KCNMA1: variants seen among roughly 807,000 people sequenced by gnomAD.
KCNMA1 encodes potassium calcium-activated channel subfamily M alpha 1.
KCNMA1 carries 29 observed loss-of-function variants against 140.0 expected under a neutral mutation model. That is an observed-to-expected ratio of 0.21 (90% CI 0.15 to 0.28). The LOEUF (loss-of-function observed/expected upper bound fraction) is 0.28, where lower values mean the gene tolerates loss of function less well. Ranked by LOEUF, KCNMA1 falls within the 10% of genes least tolerant of loss-of-function variation. The pLI, the probability that KCNMA1 is intolerant of heterozygous loss-of-function variation, is 1.00. For synonymous variants in KCNMA1, 612 were observed against 611.9 expected (o/e 1.00, Z 0.00); for missense variants, 880 against 1,602.2 (o/e 0.55, Z 7.70).
chr10:77,269,727 G>A (rs914104284), intron 2 of KCNMA1, among the ~76,000 whole-genome samples: 8 of 152,218 alleles, frequency 5.3e-5, no homozygotes, highest in Non-Finnish European at 1.5e-5. Flanking sequence ...GATCTGGGCT[G>A]CCTGGGACTC....
At chr10:76,922,716 G>A (rs2056324587) in intron 23 of KCNMA1, among the ~76,000 whole-genome samples, 1 of 152,182 alleles carries the variant, frequency 6.6e-6, no homozygotes, top group African/African-American at 2.4e-5. Context: ...CTCTGTCATT[G>A]TTCAAGTTCC....
At chr10:77,584,218 C>T (rs748271043) in intron 1 of KCNMA1, among the ~76,000 whole-genome samples, 5 of 152,154 alleles carry the variant, frequency 3.3e-5, no homozygotes, top group Admixed American at 1.3e-4. Context: ...CCACCTTAGA[C>T]GGGGCCTTGG....
intron 19 of KCNMA1, among the ~76,000 whole-genome samples, chr10:76,993,788 G>A (rs2083440337): frequency 6.6e-6 from 1 of 152,210 alleles, no homozygotes; most frequent in Non-Finnish European, 1.5e-5. Context: ...TACAGACTAA[G>A]AACAAAACCC....
In KCNMA1 at chr10:77,597,898, T is replaced by C. The variant is rs564989193; in HGVS notation, c.378+39367A>G. 3.3e-5 allele frequency among the ~76,000 whole-genome samples: 5 copies of C among 152,344 alleles called. No individual in the cohort carries two copies. The South Asian group carries it at 8.3e-4, about 25-fold the overall frequency. ...AAAATTACAAAACAGGGAGGAACTT[T>C]ATCCTGTTTTATTTTTCTCCATAGC... On this transcript the variant is annotated intron_variant, in intron 1 of 27. Coordinates refer to ENST00000286628, the MANE Select transcript of KCNMA1 (RefSeq NM_001161352.2).
At chr10:77,212,885 T>C (rs2046525432) in intron 3 of KCNMA1, among the ~76,000 whole-genome samples, 1 of 152,234 alleles carries the variant, frequency 6.6e-6, no homozygotes, top group South Asian at 2.1e-4. Flanking sequence ...TTCCCTGCCA[T>C]TATCCTTAAA....
intron 2 of KCNMA1, among the ~76,000 whole-genome samples, chr10:77,353,999 T>TGGGGGGGGGG (rs2093217796): frequency 6.9e-5 from 1 of 14,558 alleles, no homozygotes; most frequent in Non-Finnish European, 1.7e-4. Flanking sequence ...GGTGGAGGGG[T>TGGGGGGGGGG]GGGGATGGAG....
intron 1 of KCNMA1, among the ~76,000 whole-genome samples, chr10:77,519,683 T>A (rs763584118): frequency 6.6e-6 from 1 of 152,130 alleles, no homozygotes; most frequent in Non-Finnish European, 1.5e-5. Flanking sequence ...ATAAATAACA[T>A]GAGTGATTAT....
chr10:77,228,556 A>G (rs2052392978), intron 3 of KCNMA1, among the ~76,000 whole-genome samples: 1 of 152,194 alleles, frequency 6.6e-6, no homozygotes, highest in Non-Finnish European at 1.5e-5. Flanking sequence ...CCTCTACAAC[A>G]GTTTTCTTCC....
chr10:76,925,129 A>C (rs2057280594), intron 23 of KCNMA1, among the ~76,000 whole-genome samples: 1 of 152,172 alleles, frequency 6.6e-6, no homozygotes, highest in Non-Finnish European at 1.5e-5. Flanking sequence ...GTTATTTTAA[A>C]ATGTATGAAT....
At chr10:77,214,962 A>G (rs556845254) in intron 3 of KCNMA1, among the ~76,000 whole-genome samples, 8 of 152,292 alleles carry the variant, frequency 5.3e-5, no homozygotes, top group African/African-American at 1.9e-4. Context: ...TCATCTTTGT[A>G]ATTTCCAAAT....
chr10:77,453,737 G>A (rs540170583), intron 1 of KCNMA1, among the ~76,000 whole-genome samples: 8 of 152,352 alleles, frequency 5.3e-5, no homozygotes, highest in African/African-American at 1.7e-4. Context: ...AATACTTGAG[G>A]TCAGCAGAGG....
intron 5 of KCNMA1, among the ~76,000 whole-genome samples, chr10:77,161,951 T>C (rs1188750726): frequency 1.3e-5 from 2 of 152,264 alleles, no homozygotes; most frequent in Non-Finnish European, 2.9e-5. Flanking sequence ...AGCAGAGTGC[T>C]ATGATCCATA....
At chr10:77,420,191 A>G (rs2096837478) in intron 1 of KCNMA1, among the ~76,000 whole-genome samples, 1 of 152,362 alleles carries the variant, frequency 6.6e-6, no homozygotes, top group South Asian at 2.1e-4. Context: ...TGTCAGGCAC[A>G]TGAAGCAATC....
chr10:77,633,619 CT>C (rs1336696869), intron 1 of KCNMA1, among the ~76,000 whole-genome samples: 1 of 152,224 alleles, frequency 6.6e-6, no homozygotes, highest in Admixed American at 6.5e-5. Flanking sequence ...GTAATGGGAT[CT>C]GATATTTATA....
At chr10:77,389,833 G>C (rs2095750352) in intron 2 of KCNMA1, among the ~76,000 whole-genome samples, 1 of 152,160 alleles carries the variant, frequency 6.6e-6, no homozygotes, top group South Asian at 2.1e-4. Context: ...AATCATTGGA[G>C]GTGAGTCAAA....
At chr10:77,302,276 A>G (rs551238769) in intron 2 of KCNMA1, among the ~76,000 whole-genome samples, 2 of 152,204 alleles carry the variant, frequency 1.3e-5, no homozygotes, top group Admixed American at 1.3e-4. Context: ...TCCAGGAGCT[A>G]TTGGTTGAGA....
intron 2 of KCNMA1, among the ~76,000 whole-genome samples, chr10:77,321,742 T>C (rs551131828): frequency 6.6e-6 from 1 of 152,312 alleles, no homozygotes; most frequent in South Asian, 2.1e-4. Flanking sequence ...TGTTTTGTTT[T>C]GTGTTTTTCT....
chr10:77,416,630 G>C (rs1603518060), intron 1 of KCNMA1, among the ~76,000 whole-genome samples: 1 of 152,096 alleles, frequency 6.6e-6, no homozygotes, highest in East Asian at 1.9e-4. Flanking sequence ...ACAGCCCAGT[G>C]CCCCACACGG....
intron 1 of KCNMA1, among the ~76,000 whole-genome samples, chr10:77,522,560 C>A (rs1181049351): frequency 6.6e-6 from 1 of 152,206 alleles, no homozygotes; most frequent in Non-Finnish European, 1.5e-5. Flanking sequence ...CCCTCACCCA[C>A]ACCTCACAGC....
Sources: gnomAD v4.1 joint callset for allele counts (sites outside exome capture counted in the v4.1 genomes callset) on GRCh38, gnomAD v4.1.1 for gene constraint, MANE v1.5 for transcripts, NCBI Gene and HGNC (gene_info 2026-07-23, HGNC 2026-07-21) for gene names.